STK38: variants seen among roughly 807,000 people sequenced by gnomAD.
STK38 encodes serine/threonine kinase 38.
A neutral mutation model predicts 59.0 loss-of-function variants in STK38; 26 were observed. The ratio of observed to expected loss-of-function variants is 0.44; its 90% CI spans 0.32 to 0.61. The LOEUF (loss-of-function observed/expected upper bound fraction) is 0.61, where lower values mean the gene tolerates loss of function less well. Among genes scored for constraint, STK38 ranks in the 20% least tolerant of loss-of-function variants. STK38 has a pLI of 0.04. For missense variants in STK38, 433 were observed against 566.0 expected (o/e 0.76, Z 2.38); for synonymous variants, 175 against 176.6 (o/e 0.99, Z 0.07).
chr6:36,496,933 T>C, intron 12 of STK38, 128 bp from the exon 13 acceptor site: 1 of 625,712 alleles, frequency 1.6e-6, no homozygotes, highest in Non-Finnish European at 2.6e-6. Flanking sequence ...CAGCATTTAT[T>C]TTCTCTGAAA....
rs571173573 is a variant in STK38, at chr6:36,512,722, C to CGAT, written c.669+2613_669+2615dup. ...TTGGCCAGGCTGGAGTGCAGTGGCACGATCTTGGCTCACTGCAACCTCCGC... is the reference window on the plus strand; with the variant it reads ...TTGGCCAGGCTGGAGTGCAGTGGCACGATGATCTTGGCTCACTGCAACCTCCGC... On this transcript the variant is annotated intron_variant, in intron 7 of 13. Coordinates refer to ENST00000229812, the MANE Select transcript of STK38 (RefSeq NM_007271.4). 2.8e-4 allele frequency among the ~76,000 whole-genome samples: 42 copies of CGAT among 151,876 alleles called. 1 individual carries two copies. In the South Asian group the frequency reaches 5.0e-3, roughly 18 times the overall value.
intron 2 of STK38, among the ~76,000 whole-genome samples, chr6:36,537,507 AG>A (rs1777821389): frequency 6.6e-6 from 1 of 152,226 alleles, no homozygotes; most frequent in South Asian, 2.1e-4. Context: ...GTTTATCAAT[AG>A]GAGAATGGAC....
At position 36,517,743 on chromosome 6, in the gene STK38, T is replaced by A. The variant is rs762656891; in HGVS notation, c.488A>T (p.Tyr163Phe). The A allele has an allele frequency of 1.2e-6, 2 of 1,613,924 alleles. No individual in the cohort carries two copies. The highest frequency in any genetic ancestry group is 1.1e-5 in the South Asian group (1 of 91,060). Residue 163 changes from tyrosine (Y) to phenylalanine (F), a missense_variant, in exon 6 of 14, where the codon TAC becomes TTC. By Grantham distance (22) the Tyr-to-Phe change is conservative. This residue lies in a region of STK38 where 293 missense variants were observed against 388.2 expected (regional missense o/e 0.75). Transcript: ENST00000229812. ...TCCAGGCAGGAACTCCATGATTAGGTAGAGGTTTAGCTTATCCTGAAAACT... is the reference window on the plus strand; with the variant it reads ...TCCAGGCAGGAACTCCATGATTAGGAAGAGGTTTAGCTTATCCTGAAAACT... The part of the protein sequence containing the change: ...FYSFQDKLNL[Y>F]LIMEFLPGGD...
intron 2 of STK38, among the ~76,000 whole-genome samples, chr6:36,536,236 G>A (rs1777787375): frequency 6.6e-6 from 1 of 152,070 alleles, no homozygotes. Context: ...TATCCAAAAG[G>A]ATAAAAATCA....
intron 2 of STK38, among the ~76,000 whole-genome samples, chr6:36,527,209 T>TATAA (rs1777543248): frequency 9.8e-6 from 1 of 102,144 alleles, no homozygotes; most frequent in African/African-American, 4.1e-5. Context: ...AAAAAAAAAA[T>TATAA]ATATGTATAT....
chr6:36,525,684 T>A (rs753843414), intron 2 of STK38, 42 bp from the exon 3 acceptor site: 87 of 1,543,184 alleles, frequency 5.6e-5, no homozygotes, highest in Non-Finnish European at 7.6e-5. Context: ...CACATCTGAA[T>A]GATAACTTTC....
At chr6:36,532,933 A>G (rs1227119062) in intron 2 of STK38, among the ~76,000 whole-genome samples, 1 of 151,780 alleles carries the variant, frequency 6.6e-6, no homozygotes, top group African/African-American at 2.4e-5. Context: ...TTAGCCCGAC[A>G]TGGTGGCGTG....
intron 4 of STK38, among the ~76,000 whole-genome samples, chr6:36,523,409 C>T (rs1275634719): frequency 1.3e-5 from 2 of 151,738 alleles, no homozygotes; most frequent in African/African-American, 4.8e-5. Flanking sequence ...ATTACAGGCA[C>T]GTGCCACCAC....
At chr6:36,503,544 G>C (rs1776891829) in intron 9 of STK38, among the ~76,000 whole-genome samples, 1 of 151,792 alleles carries the variant, frequency 6.6e-6, no homozygotes, top group Non-Finnish European at 1.5e-5. Context: ...ATGTGGATTA[G>C]GCCCTCTCCA....
Position 36,498,496 on chromosome 6 carries a change from A to G in STK38, c.953-10T>C. On this transcript the variant is annotated splice_polypyrimidine_tract_variant and intron_variant, in intron 10 of 13. Transcript: ENST00000229812. The stretch of plus-strand genomic sequence containing the variant: ...CAGAAAGGTGGGTAGCCTGTAATAA[A>G]AAAGGAACTTCGGAGCTTTTACACT... The G allele has an allele frequency of 6.2e-7, 1 of 1,606,846 alleles. No homozygotes were observed. The highest frequency in any genetic ancestry group is 8.5e-7 in the Non-Finnish European group (1 of 1,178,374).
At chr6:36,530,285 AG>A (rs1296503777) in intron 2 of STK38, among the ~76,000 whole-genome samples, 7 of 149,446 alleles carry the variant, frequency 4.7e-5, no homozygotes, top group Non-Finnish European at 1.0e-4. Flanking sequence ...AGATTCTGTC[AG>A]GAAGAGAAGA....
At chr6:36,542,038 C>A (rs1777951117) in intron 1 of STK38, among the ~76,000 whole-genome samples, 1 of 151,830 alleles carries the variant, frequency 6.6e-6, no homozygotes, top group Admixed American at 6.6e-5. Context: ...TTTCACCACA[C>A]TGGTCAGGCT....
chr6:36,515,565 G>A (rs1448508770), intron 6 of STK38, 73 bp from the exon 7 acceptor site: 54 of 1,576,384 alleles, frequency 3.4e-5, no homozygotes, highest in Non-Finnish European at 3.9e-5. Flanking sequence ...CAACATACGA[G>A]TGAGTACCAA....
intron 7 of STK38, among the ~76,000 whole-genome samples, chr6:36,513,155 G>T (rs1777153542): frequency 1.3e-5 from 2 of 151,912 alleles, no homozygotes; most frequent in South Asian, 4.1e-4. Flanking sequence ...AGGTAGCTGG[G>T]ATTACAGGTG....
At chr6:36,519,152 AT>A (rs1561982524) in intron 5 of STK38, among the ~76,000 whole-genome samples, 1 of 152,096 alleles carries the variant, frequency 6.6e-6, no homozygotes, top group African/African-American at 2.4e-5. Context: ...TCTTTGGGGA[AT>A]TTTTTTAAAA....
chr6:36,542,221 T>C (rs1042662434), intron 1 of STK38, among the ~76,000 whole-genome samples: 1 of 152,312 alleles, frequency 6.6e-6, no homozygotes, highest in South Asian at 2.1e-4. Flanking sequence ...AAATCTATGA[T>C]TAAAAATGGT....
At chr6:36,527,382 CACAT>C (rs201379018) in intron 2 of STK38, among the ~76,000 whole-genome samples, 80 of 148,850 alleles carry the variant, frequency 5.4e-4, no homozygotes, top group African/African-American at 1.8e-3. Context: ...CACACACACA[CACAT>C]ATATGTATAT....
intron 11 of STK38, 91 bp downstream of exon 11, chr6:36,498,272 G>T: frequency 6.7e-7 from 1 of 1,490,838 alleles, no homozygotes; most frequent in Non-Finnish European, 9.1e-7. Context: ...GAAACAGAAA[G>T]CAGATTCAGG....
In STK38 at chr6:36,547,439, G is replaced by A. The variant is rs1232668996; in HGVS notation, c.-255C>T. On this transcript the variant is annotated 5_prime_UTR_variant, in exon 1 of 14. Transcript: ENST00000229812. ...CAAGGCAGCCCGGTCCCCCGCCGCG[G>A]AGACGGGCTGGCGCGGCAGCCCGGG... 1 of 152,390 alleles carries A rather than the reference G, an allele frequency of 6.6e-6. No homozygotes were observed. The highest frequency in any genetic ancestry group is 2.4e-5 in the African/African-American group (1 of 41,582). The allele number at this position is 152,390 out of a possible 1,614,324, so 9.4% of individuals were successfully genotyped here.
Sources: allele counts gnomAD v4.1 joint callset (sites outside exome capture counted in the v4.1 genomes callset), GRCh38; gene constraint gnomAD v4.1.1; regional missense constraint gnomAD v4.1.1; transcripts MANE v1.5; gene names NCBI Gene and HGNC (gene_info 2026-07-23, HGNC 2026-07-21).